The following LARP1B variants were observed in gnomAD, a reference collection of about 807,000 sequenced individuals.
The protein encoded by LARP1B is la-related protein 1B.
Under a neutral mutation model 114.2 loss-of-function variants are expected in LARP1B, and 76 were observed. The observed-to-expected ratio is 0.67, with a 90% CI of 0.55 to 0.81. The LOEUF is 0.81. Ranked by LOEUF, LARP1B falls within the 30% of genes least tolerant of loss-of-function variation. The probability of loss-of-function intolerance (pLI) is 0.00; values close to 1 mark genes in which losing one functional copy is unlikely to be tolerated. For missense variants in LARP1B, 1,014 were observed against 1,075.8 expected (o/e 0.94, Z 0.80); for synonymous variants, 345 against 348.0 (o/e 0.99, Z 0.10).
chr4:128,115,827 T>C (rs1243464900), intron 10 of LARP1B, among the ~76,000 whole-genome samples: 1 of 152,136 alleles, frequency 6.6e-6, no homozygotes, highest in African/African-American at 2.4e-5. Flanking sequence ...AACTATTTTT[T>C]TGTGTGTTTC....
intron 9 of LARP1B, chr4:128,108,264 G>A: frequency 3.7e-6 from 4 of 1,074,280 alleles, no homozygotes; most frequent in Non-Finnish European, 4.5e-6. Context: ...ATGTACTTGT[G>A]TCCAGATGAA....
At chr4:128,106,224 A>T (rs1003835692) in intron 8 of LARP1B, among the ~76,000 whole-genome samples, 1 of 152,072 alleles carries the variant, frequency 6.6e-6, no homozygotes, top group Non-Finnish European at 1.5e-5. Context: ...AGGTTTCACC[A>T]TATTGGCCAA....
At chr4:128,102,756 C>A (rs1002672499) in intron 8 of LARP1B, among the ~76,000 whole-genome samples, 1 of 152,074 alleles carries the variant, frequency 6.6e-6, no homozygotes, top group East Asian at 1.9e-4. Context: ...AAGCAATTAA[C>A]GTAATATCTT....
chr4:128,092,246 C>T (rs978594162), intron 7 of LARP1B, among the ~76,000 whole-genome samples: 3 of 151,998 alleles, frequency 2.0e-5, no homozygotes, highest in African/African-American at 7.2e-5. Flanking sequence ...TTTTGATTTT[C>T]TTCTTAGCAA....
chr4:128,062,947 G>A (rs1164381902), intron 1 of LARP1B, among the ~76,000 whole-genome samples: 1 of 152,120 alleles, frequency 6.6e-6, no homozygotes, highest in African/African-American at 2.4e-5. Flanking sequence ...TTATAAGTGT[G>A]CTGGAAAATA....
rs1212880448 is a variant in LARP1B at position 128,210,987 on chromosome 4, TTTTG to T, written c.*938_*941del. ...TTAAAATGAATACTTAGTTTTACCT[TTTTG>T]TTTATTTTTTGTTTAATTTTGTTTT... On this transcript the variant is annotated 3_prime_UTR_variant, in exon 20 of 20. Coordinates refer to ENST00000326639, the MANE Select transcript of LARP1B (RefSeq NM_018078.4). 6.6e-5 allele frequency: 61 copies of T among 926,014 alleles called. No individual in the cohort carries two copies. The highest frequency in any genetic ancestry group is 4.5e-4 in the South Asian group (9 of 20,002). 57.4% of individuals were successfully genotyped at this position (926,014 alleles called of 1,614,324 possible).
intron 8 of LARP1B, among the ~76,000 whole-genome samples, chr4:128,101,131 G>C (rs765999267): frequency 1.3e-4 from 19 of 150,734 alleles, no homozygotes; most frequent in Non-Finnish European, 5.9e-5. Context: ...TTTCTTAACA[G>C]GCTTCTTTGA....
chr4:128,167,723 C>T (rs1249982046), intron 12 of LARP1B, among the ~76,000 whole-genome samples: 1 of 152,062 alleles, frequency 6.6e-6, no homozygotes, highest in Non-Finnish European at 1.5e-5. Context: ...ATCATGTAAA[C>T]ACCACCTAGT....
At position 128,098,653 on chromosome 4, in the gene LARP1B, C is replaced by T. The variant is rs574853660; in HGVS notation, c.813+323C>T. ...AAAACTTCTTCAGGGCTGGGCGTGG[C>T]GGCTCGCACCTGGGTGATAGAGTAC... is the stretch of plus-strand genomic sequence containing the variant. On this transcript the variant is annotated intron_variant, in intron 8 of 19. Coordinates refer to ENST00000326639, the MANE Select transcript of LARP1B (RefSeq NM_018078.4). Among the ~76,000 whole-genome samples the T allele has an allele frequency of 1.0e-3, 153 of 145,776 alleles. 2 individuals carry two copies. The highest frequency in any genetic ancestry group is 3.7e-3 in the African/African-American group (146 of 39,552).
intron 15 of LARP1B, among the ~76,000 whole-genome samples, chr4:128,184,629 A>C (rs1462388371): frequency 6.6e-6 from 1 of 152,016 alleles, no homozygotes; most frequent in African/African-American, 2.4e-5. Context: ...TGTACTATAC[A>C]ATATGTTATT....
At chr4:128,167,679 T>C (rs564286144) in intron 12 of LARP1B, among the ~76,000 whole-genome samples, 105 of 152,198 alleles carry the variant, frequency 6.9e-4, no homozygotes, top group African/African-American at 2.3e-3. Flanking sequence ...ACCATTTATG[T>C]ATATTATTTT....
rs1306262767 is a variant in LARP1B, at chr4:128,063,679, T to A, written c.-78+2278T>A. ...CTGTAATCCCGGCTACTGGGGAGGC[T>A]GAGGCAGGAGAATCGCTTGAACCCG... On this transcript the variant is annotated intron_variant, in intron 1 of 19. Transcript: ENST00000326639. 5.4e-5 allele frequency among the ~76,000 whole-genome samples: 8 copies of A among 148,136 alleles called. No homozygotes were observed. In the Admixed American group the frequency reaches 5.5e-4, roughly 10 times the overall value.
chr4:128,171,224 G>T (rs75723373), intron 12 of LARP1B, among the ~76,000 whole-genome samples: 2,728 of 152,006 alleles, frequency 0.018, 64 homozygotes, highest in East Asian at 0.1. Context: ...ATACTGCTGG[G>T]TTCAAGCAAT....
intron 11 of LARP1B, among the ~76,000 whole-genome samples, chr4:128,131,750 G>T (rs1791639335): frequency 1.3e-5 from 2 of 152,116 alleles, no homozygotes; most frequent in South Asian, 4.1e-4. Context: ...AATGGGCAGA[G>T]AATTTGAGTA....
Position 128,210,029 on chromosome 4 carries a change from G to C in LARP1B, c.2721G>C (p.Pro907=). ...PINSPRRNIS[P]ESSDNSH The stretch of plus-strand genomic sequence containing the variant: ...ACTCTCCCAGAAGGAATATTTCACC[G>C]GAGTCCAGTGACAATTCACATTAAA... The change falls in exon 20 of 20, where the codon CCG becomes CCC. Residue 907 remains proline, a synonymous_variant. Transcript: ENST00000326639. The C allele has an allele frequency of 1.2e-6, 2 of 1,613,964 alleles. No individual in the cohort carries two copies. The highest frequency in any genetic ancestry group is 8.5e-7 in the Non-Finnish European group (1 of 1,179,914).
intron 11 of LARP1B, chr4:128,155,483 A>G (rs1581094912): frequency 1.3e-6 from 1 of 782,810 alleles, no homozygotes; most frequent in Non-Finnish European, 2.3e-6. Context: ...CAGGCAGCCC[A>G]GCAGAAGTTC....
At chr4:128,071,351 G>A (rs953345754) in intron 1 of LARP1B, among the ~76,000 whole-genome samples, 1 of 148,536 alleles carries the variant, frequency 6.7e-6, no homozygotes, top group Non-Finnish European at 1.5e-5. Context: ...GCCTTTACAA[G>A]TTGCTTTTTA....
At chr4:128,164,348 T>C (rs9993435) in intron 12 of LARP1B, among the ~76,000 whole-genome samples, 54,420 of 151,902 alleles carry the variant, frequency 0.36, 10,113 homozygotes, top group East Asian at 0.53. Context: ...TTTTTTGCCT[T>C]GTTAAATTTG....
At chr4:128,199,286 C>T (rs1248628105) in intron 15 of LARP1B, among the ~76,000 whole-genome samples, 153 bp from the exon 16 acceptor site, 1 of 152,176 alleles carries the variant, frequency 6.6e-6, no homozygotes, top group Non-Finnish European at 1.5e-5. Flanking sequence ...GCACTATATG[C>T]AGATCTGTAT....
Sources: allele counts gnomAD v4.1 joint callset (sites outside exome capture counted in the v4.1 genomes callset), GRCh38; gene constraint gnomAD v4.1.1; transcripts MANE v1.5; gene names NCBI Gene and HGNC (gene_info 2026-07-23, HGNC 2026-07-21).